The following F8 variants were observed in gnomAD, a reference collection of about 807,000 sequenced individuals.
F8 encodes antihemophilic factor.
In F8, 12 loss-of-function variants were observed where a neutral mutation model predicts 140.6. The observed-to-expected ratio is 0.09, with a 90% CI of 0.05 to 0.14. F8 has a LOEUF of 0.14. Among genes scored for constraint, F8 ranks in the 10% least tolerant of loss-of-function variants. The pLI is 1.00. For missense variants in F8, 1,354 were observed against 1,720.7 expected, an observed-to-expected ratio of 0.79 and a Z score of 3.77; for synonymous variants, 585 against 614.6, an observed-to-expected ratio of 0.95 and a Z score of 0.71.
At chrX:154,921,711 G>A (rs1158611909) in intron 14 of F8, among the ~76,000 whole-genome samples, 1 of 111,592 alleles carries the variant, frequency 9.0e-6, no homozygotes, top group Non-Finnish European at 1.9e-5. Flanking sequence ...AAAAAAGGAT[G>A]AGTTCATGTC....
At chrX:154,932,688 A>T (rs2124055731) in intron 13 of F8, among the ~76,000 whole-genome samples, 1 of 111,865 alleles carries the variant, frequency 8.9e-6, no homozygotes, top group Admixed American at 9.5e-5. Context: ...GGAAGTGATT[A>T]TGGAATGTTT....
rs142245438 is a variant in F8 at position 154,930,527 on chromosome X, G to A, written c.3263C>T (p.Thr1088Ile). 146 of 1,209,566 alleles carry A rather than the reference G, an allele frequency of 1.2e-4. No homozygotes were observed. The African/African-American group carries it at 2.4e-3, about 20-fold the overall frequency. ...LRLNHMSNKT[T>I]SSKNMEMVQQ... ...GACCATTTCCATGTTTTTTGATGAA[G>A]TAGTTTTATTTGACATATGATTTAG... Residue 1088 changes from threonine to isoleucine, a missense_variant, in exon 14 of 26, where the codon ACT (threonine) becomes ATT (isoleucine). Around this residue, in one of 4 missense-constraint regions of F8, gnomAD observed 658 missense variants for 666.5 expected, o/e 0.99. Coordinates refer to ENST00000360256, the MANE Select transcript of F8 (RefSeq NM_000132.4).
At chrX:154,959,522 C>A (rs1202228004) in intron 10 of F8, among the ~76,000 whole-genome samples, 3 of 112,505 alleles carry the variant, frequency 2.7e-5, no homozygotes, top group Non-Finnish European at 5.6e-5. Context: ...CAGGATACAC[C>A]TTTGTGTTGG....
At chrX:154,952,981 T>G (rs1319782930) in intron 12 of F8, among the ~76,000 whole-genome samples, 1 of 112,298 alleles carries the variant, frequency 8.9e-6, no homozygotes, top group African/African-American at 3.2e-5. Flanking sequence ...TAATATAGCA[T>G]GAGAACACTC....
chrX:154,923,301 C>G (rs782391278), intron 14 of F8, among the ~76,000 whole-genome samples: 1 of 111,985 alleles, frequency 8.9e-6, no homozygotes, highest in Non-Finnish European at 1.9e-5. Context: ...CCTGCTTTCC[C>G]TGGTCAATTA....
intron 22 of F8, among the ~76,000 whole-genome samples, chrX:154,872,544 G>C (rs375264065): frequency 2.7e-4 from 24 of 87,876 alleles, no homozygotes; most frequent in African/African-American, 9.7e-4. Flanking sequence ...GCTGGGGCCT[G>C]TTGGGGGGTG....
At chrX:155,009,466 A>G (rs1557286377) in intron 1 of F8, among the ~76,000 whole-genome samples, 1 of 111,383 alleles carries the variant, frequency 9.0e-6, no homozygotes, top group Non-Finnish European at 1.9e-5. Context: ...GCCAGACCCA[A>G]TGGCTCACAT....
At chrX:154,915,435 C>A (rs782654959) in intron 14 of F8, among the ~76,000 whole-genome samples, 1 of 112,053 alleles carries the variant, frequency 8.9e-6, no homozygotes, top group East Asian at 2.8e-4. Context: ...ATGAATTCTT[C>A]CATTCTATGA....
At chrX:154,872,049 C>T (rs1299328681) in intron 22 of F8, among the ~76,000 whole-genome samples, 1 of 112,117 alleles carries the variant, frequency 8.9e-6, no homozygotes, top group African/African-American at 3.2e-5. Context: ...CAGGAAACAA[C>T]AGATGCTGGA....
rs149730321 is a variant in F8, at chrX:154,852,160, C to T, written c.6900+8272G>A. Among the ~76,000 whole-genome samples, 637 of 111,612 alleles carry T rather than the reference C, an allele frequency of 5.7e-3. 7 individuals carry two copies. The highest frequency in any genetic ancestry group is 0.02 in the African/African-American group (607 of 30,739). On this transcript the variant is annotated intron_variant, in intron 25 of 25. Transcript: ENST00000360256. ...TCATGGCTCACTGCAGCCTCCACCT[C>T]CTGGGCTCAAGCGATCCTCCTATCC...
chrX:154,961,183 G>T lies in F8; in HGVS notation c.1444-15C>A. 9.3e-7 allele frequency: 1 copy of T among 1,072,284 alleles called. No individual in the cohort carries two copies. The highest frequency in any genetic ancestry group is 1.3e-6 in the Non-Finnish European group (1 of 770,143). 88.4% of individuals were successfully genotyped at this position (1,072,284 alleles called of 1,213,427 possible). On this transcript the variant is annotated splice_polypyrimidine_tract_variant and intron_variant, in intron 9 of 25. Coordinates refer to ENST00000360256, the MANE Select transcript of F8 (RefSeq NM_000132.4). Reference sequence around the variant, plus strand: ...TTAAATATAATCTGAAAGTATAAGCGAGATCTAAGATCAAATCCTAAAACG... The same window carrying T: ...TTAAATATAATCTGAAAGTATAAGCTAGATCTAAGATCAAATCCTAAAACG...
At chrX:154,973,883 G>A (rs1017854031) in intron 6 of F8, among the ~76,000 whole-genome samples, 6 of 111,711 alleles carry the variant, frequency 5.4e-5, no homozygotes, top group East Asian at 2.8e-4. Flanking sequence ...CACAAGCTCC[G>A]CCTCTGGGGT....
rs1362264279 is a variant in F8 at position 154,951,242 on chromosome X, C to A, written c.1903+2650G>T. Among the ~76,000 whole-genome samples, 3 of 111,827 alleles carry A rather than the reference C, an allele frequency of 2.7e-5. No individual in the cohort carries two copies. The East Asian group carries it at 8.4e-4, about 31-fold the overall frequency. ...TGTAGGATCCATCTACGAAATAAATCATAAATCCTACAATTTTTTAAAACA... is the reference window on the plus strand; with the variant it reads ...TGTAGGATCCATCTACGAAATAAATAATAAATCCTACAATTTTTTAAAACA... On this transcript the variant is annotated intron_variant, in intron 12 of 25. Transcript: ENST00000360256.
chrX:154,872,043 A>T (rs1396575676), intron 22 of F8, among the ~76,000 whole-genome samples: 2 of 112,230 alleles, frequency 1.8e-5, no homozygotes, highest in African/African-American at 6.5e-5. Flanking sequence ...AAAAGTCAGG[A>T]AACAACAGAT....
chrX:154,922,586 T>A (rs1263280051), intron 14 of F8, among the ~76,000 whole-genome samples: 1 of 112,300 alleles, frequency 8.9e-6, no homozygotes, highest in Non-Finnish European at 1.9e-5. Flanking sequence ...AATATTTACA[T>A]ACAGTGTTCA....
intron 25 of F8, among the ~76,000 whole-genome samples, chrX:154,847,642 T>C (rs1433656459): frequency 2.7e-5 from 3 of 112,158 alleles, no homozygotes; most frequent in Admixed American, 9.4e-5. Flanking sequence ...CATCAGGTCA[T>C]TTAAGGACTT....
chrX:154,955,661 G>A (rs1338403120), intron 11 of F8, among the ~76,000 whole-genome samples: 1 of 110,849 alleles, frequency 9.0e-6, no homozygotes, highest in Non-Finnish European at 1.9e-5. Context: ...CCCCCAAGCC[G>A]CAAAACCAGC....
chrX:155,022,583 A>C lies in F8; in HGVS notation c.-31T>G. On this transcript the variant is annotated 5_prime_UTR_variant, in exon 1 of 26. Coordinates refer to ENST00000360256, the MANE Select transcript of F8 (RefSeq NM_000132.4). ...ATTGCTACAAATGTTCAACTGGAGA[A>C]GCAAAAGGTTAATTCTTCTCTAAAA... 1 of 1,211,979 alleles carries C rather than the reference A, an allele frequency of 8.3e-7. No individual in the cohort carries two copies. The highest frequency in any genetic ancestry group is 1.1e-6 in the Non-Finnish European group (1 of 895,427).
chrX:154,890,379 A>G (rs1454335313), intron 22 of F8, among the ~76,000 whole-genome samples: 3 of 112,213 alleles, frequency 2.7e-5, no homozygotes, highest in Non-Finnish European at 5.6e-5. Flanking sequence ...ATTTATCCTT[A>G]TCGTTAAAAT....
Sources: gnomAD v4.1 joint callset for allele counts (sites outside exome capture counted in the v4.1 genomes callset) on GRCh38, gnomAD v4.1.1 for gene constraint, gnomAD v4.1.1 regional missense constraint, MANE v1.5 for transcripts, NCBI Gene and HGNC (gene_info 2026-07-23, HGNC 2026-07-21) for gene names.